The following ARL15 variants were observed in gnomAD, a reference collection of about 807,000 sequenced individuals.
ARL15 encodes the protein ARF like GTPase 15.
ARL15 carries 19 observed loss-of-function variants against 25.2 expected under a neutral mutation model. The ratio of observed to expected loss-of-function variants is 0.75; its 90% CI spans 0.53 to 1.10. The LOEUF (loss-of-function observed/expected upper bound fraction) is 1.10, where lower values mean the gene tolerates loss of function less well. Among genes scored for constraint, ARL15 ranks in the 50% least tolerant of loss-of-function variants. The pLI, the probability that ARL15 is intolerant of heterozygous loss-of-function variation, is 0.00. For missense variants in ARL15, 220 were observed against 246.0 expected (o/e 0.89, Z 0.71); for synonymous variants, 94 against 86.8 (o/e 1.08, Z -0.46).
intron 2 of ARL15, among the ~76,000 whole-genome samples, chr5:54,158,696 A>T (rs1754313259): frequency 6.6e-6 from 1 of 152,130 alleles, no homozygotes; most frequent in African/African-American, 2.4e-5. Flanking sequence ...AAGATGGTGA[A>T]ACCCCGTCTC....
intron 4 of ARL15, among the ~76,000 whole-genome samples, chr5:54,105,145 A>G (rs979167340): frequency 9.2e-5 from 14 of 151,904 alleles, no homozygotes; most frequent in African/African-American, 3.1e-4. Context: ...TTTCAAATTA[A>G]TTTACCTCGA....
At chr5:54,129,464 A>T (rs571263242) in intron 3 of ARL15, among the ~76,000 whole-genome samples, 21 of 152,224 alleles carry the variant, frequency 1.4e-4, no homozygotes, top group Non-Finnish European at 2.8e-4. Context: ...CAGTAGCAAG[A>T]AGAGATAGCT....
At chr5:54,029,719 C>T (rs1032623804) in intron 4 of ARL15, among the ~76,000 whole-genome samples, 2 of 152,078 alleles carry the variant, frequency 1.3e-5, no homozygotes, top group African/African-American at 2.4e-5. Context: ...AATGGCTGGG[C>T]GCGGTGGCTC....
intron 3 of ARL15, among the ~76,000 whole-genome samples, chr5:54,148,859 C>T (rs1290573193): frequency 3.3e-5 from 5 of 152,194 alleles, no homozygotes; most frequent in Non-Finnish European, 7.3e-5. Context: ...AATAATAACA[C>T]ACCAAACATG....
chr5:54,010,284 T>C (rs1000130732), intron 4 of ARL15, among the ~76,000 whole-genome samples: 1 of 152,158 alleles, frequency 6.6e-6, no homozygotes, highest in Non-Finnish European at 1.5e-5. Context: ...GCAATGACAA[T>C]GAAGTAAAAC....
intron 4 of ARL15, among the ~76,000 whole-genome samples, chr5:54,045,493 T>C (rs1170668246): frequency 1.3e-5 from 2 of 152,190 alleles, no homozygotes; most frequent in East Asian, 1.9e-4. Flanking sequence ...CAGATACAGA[T>C]TGTTTAAACA....
At chr5:54,156,686 T>C (rs901525693) in intron 2 of ARL15, among the ~76,000 whole-genome samples, 3 of 152,218 alleles carry the variant, frequency 2.0e-5, no homozygotes, top group African/African-American at 4.8e-5. Context: ...AAAATGTTCA[T>C]TGGGCCCTCT....
At chr5:54,105,531 CT>C (rs973679747) in intron 4 of ARL15, among the ~76,000 whole-genome samples, 9 of 152,148 alleles carry the variant, frequency 5.9e-5, no homozygotes, top group African/African-American at 2.2e-4. Flanking sequence ...TAAAATCCTT[CT>C]AAGTTTCACT....
intron 4 of ARL15, among the ~76,000 whole-genome samples, chr5:54,017,579 T>C (rs1463491565): frequency 1.9e-5 from 2 of 103,758 alleles, no homozygotes; most frequent in East Asian, 2.9e-4. Context: ...ATCAGTGCCT[T>C]TGTGGAAGAA....
intron 4 of ARL15, among the ~76,000 whole-genome samples, chr5:53,978,462 G>A (rs787545): frequency 0.31 from 46,361 of 151,138 alleles, 8,017 homozygotes; most frequent in Middle Eastern, 0.44. Flanking sequence ...ATCTACTCCC[G>A]GAGTCATCCA....
chr5:54,189,251 T>A (rs944333784), intron 1 of ARL15, among the ~76,000 whole-genome samples: 1 of 152,254 alleles, frequency 6.6e-6, no homozygotes, highest in East Asian at 1.9e-4. Context: ...CCCAAATGGA[T>A]TCAATGCAAT....
rs13361525 is a variant in ARL15, at chr5:54,292,101, T to C, written c.48+18331A>G. The stretch of plus-strand genomic sequence containing the variant: ...CTCAGGTGGTAGTATCTACCTACTT[T>C]TGTCCCCAGGGACTCACCCTATTTC... On this transcript the variant is annotated intron_variant, in intron 1 of 4. Transcript: ENST00000504924. Among the ~76,000 whole-genome samples the C allele has an allele frequency of 6.1e-3, 931 of 152,302 alleles. 13 individuals are homozygous for C. Among genetic ancestry groups the C allele is most frequent in the African/African-American group, 0.021 (886 of 41,560 alleles).
At chr5:53,916,514 T>C (rs1437476467) in intron 4 of ARL15, among the ~76,000 whole-genome samples, 2 of 151,760 alleles carry the variant, frequency 1.3e-5, no homozygotes, top group Non-Finnish European at 2.9e-5. Flanking sequence ...AAAATAAAAG[T>C]TGGGGGGAAA....
intron 4 of ARL15, among the ~76,000 whole-genome samples, chr5:54,004,459 G>A (rs188860063): frequency 1.3e-4 from 19 of 148,188 alleles, no homozygotes; most frequent in Non-Finnish European, 2.4e-4. Context: ...CCGTACCACC[G>A]CACTCCAGCC....
chr5:54,176,777 G>C (rs1754885102), intron 1 of ARL15, among the ~76,000 whole-genome samples: 1 of 152,118 alleles, frequency 6.6e-6, no homozygotes, highest in African/African-American at 2.4e-5. Context: ...ATGAGGCCTG[G>C]GTGCAATACA....
chr5:54,126,600 G>T (rs932247568), intron 3 of ARL15, among the ~76,000 whole-genome samples: 19 of 152,150 alleles, frequency 1.2e-4, no homozygotes, highest in African/African-American at 4.1e-4. Flanking sequence ...AACAGTGTTG[G>T]GGGGTAGGGC....
rs1393059275 is a variant in ARL15 at position 54,145,423 on chromosome 5, C to T, written c.253+9157G>A. 5.3e-4 allele frequency among the ~76,000 whole-genome samples: 81 copies of T among 152,300 alleles called. 1 individual carries two copies. On this transcript the variant is annotated intron_variant, in intron 3 of 4. Transcript: ENST00000504924. Reference sequence around the variant, plus strand: ...CAGATCTATTTTAATCAGCTTTGAACGTGTCAGAGAATCAATCTAGTCTGT... The same window carrying T: ...CAGATCTATTTTAATCAGCTTTGAATGTGTCAGAGAATCAATCTAGTCTGT...
At chr5:54,086,723 T>C (rs1053343730) in intron 4 of ARL15, among the ~76,000 whole-genome samples, 2 of 151,940 alleles carry the variant, frequency 1.3e-5, no homozygotes, top group Non-Finnish European at 2.9e-5. Context: ...GCAAAAGAAA[T>C]CAGAATGGGT....
chr5:54,043,018 C>T lies in ARL15; in HGVS notation c.462+70184G>A, dbSNP rs117963754. 3.6e-4 allele frequency among the ~76,000 whole-genome samples: 55 copies of T among 152,292 alleles called. No homozygotes were observed. In the East Asian group the frequency reaches 0.01, roughly 29 times the overall value. The stretch of plus-strand genomic sequence containing the variant: ...GATACACAAAGGCATCATGGCACCT[C>T]TAACAGTACAATTAAGTACTAACTA... On this transcript the variant is annotated intron_variant, in intron 4 of 4. Coordinates refer to ENST00000504924, the MANE Select transcript of ARL15 (RefSeq NM_019087.3).
Sources: allele counts gnomAD v4.1 joint callset (sites outside exome capture counted in the v4.1 genomes callset), GRCh38; gene constraint gnomAD v4.1.1; transcripts MANE v1.5; gene names NCBI Gene and HGNC (gene_info 2026-07-23, HGNC 2026-07-21).